BAZ2B: variants seen among roughly 807,000 people sequenced by gnomAD.
BAZ2B encodes the protein bromodomain adjacent to zinc finger domain protein 2B.
A neutral mutation model predicts 246.0 loss-of-function variants in BAZ2B; 91 were observed. The ratio of observed to expected loss-of-function variants is 0.37; its 90% CI spans 0.31 to 0.44. The LOEUF (loss-of-function observed/expected upper bound fraction) is 0.44, where lower values mean the gene tolerates loss of function less well. Ranked by LOEUF, BAZ2B falls within the 20% of genes least tolerant of loss-of-function variation. The pLI, the probability that BAZ2B is intolerant of heterozygous loss-of-function variation, is 1.00. For synonymous variants in BAZ2B, 855 were observed against 860.0 expected (o/e 0.99, Z 0.10); for missense variants, 2,332 against 2,533.7 (o/e 0.92, Z 1.71).
At chr2:159,381,560 A>G (rs1308278582) in intron 25 of BAZ2B, among the ~76,000 whole-genome samples, 1 of 151,938 alleles carries the variant, frequency 6.6e-6, no homozygotes, top group Non-Finnish European at 1.5e-5. Context: ...CATCCCAACT[A>G]CCATTGCTCT....
intron 27 of BAZ2B, among the ~76,000 whole-genome samples, chr2:159,363,055 G>A (rs1397081917): frequency 2.0e-5 from 3 of 152,130 alleles, no homozygotes; most frequent in African/African-American, 4.8e-5. Flanking sequence ...ACTACTGTAG[G>A]GATAGTAGAG....
chr2:159,335,999 A>G (rs1226671749), intron 33 of BAZ2B, among the ~76,000 whole-genome samples: 1 of 152,126 alleles, frequency 6.6e-6, no homozygotes, highest in African/African-American at 2.4e-5. Context: ...CATCTCTTCT[A>G]AAAATACAAA....
Position 159,374,685 on chromosome 2 carries a change from G to A in BAZ2B, c.4068+6C>T, listed in dbSNP as rs1160253634. 2 of 1,608,124 alleles carry A rather than the reference G, an allele frequency of 1.2e-6. No homozygotes were observed. The highest frequency in any genetic ancestry group is 1.7e-5 in the Admixed American group (1 of 59,966). Reference sequence around the variant, plus strand: ...GAAGTTAAATGTTAATCAGAAAAGTGCTTACTTTACTCAGTTTTTCAATCT... The same window carrying A: ...GAAGTTAAATGTTAATCAGAAAAGTACTTACTTTACTCAGTTTTTCAATCT... On this transcript the variant is annotated splice_donor_region_variant and intron_variant, in intron 26 of 36. Coordinates refer to ENST00000392783, the MANE Select transcript of BAZ2B (RefSeq NM_013450.4).
At chr2:159,572,764 T>G (rs972958417) in intron 1 of BAZ2B, among the ~76,000 whole-genome samples, 4 of 152,154 alleles carry the variant, frequency 2.6e-5, no homozygotes, top group African/African-American at 9.7e-5. Flanking sequence ...AACTATTATT[T>G]TCAAGTTTAA....
At chr2:159,630,367 C>A in the BAZ2B span, among the ~76,000 whole-genome samples, 3 of 151,900 alleles carry the variant, frequency 2.0e-5, no homozygotes, top group South Asian at 6.2e-4. Flanking sequence ...AAGTGAAACC[C>A]AAAAAAATAA....
At position 159,462,503 on chromosome 2, in the gene BAZ2B, G is replaced by A. The variant is rs1011000862; in HGVS notation, c.146-8702C>T. ...GCGCAAGACCTTGAATGTGGTATCT[G>A]ACATTGTTTGACAGTTTTCACTAAT... On this transcript the variant is annotated intron_variant, in intron 3 of 36. Transcript: ENST00000392783. 1.1e-5 allele frequency: 11 copies of A among 986,584 alleles called. No homozygotes were observed. The Admixed American group carries it at 1.9e-4, about 17-fold the overall frequency. The allele number at this position is 986,584 out of a possible 1,614,324, so 61.1% of individuals were successfully genotyped here.
chr2:159,394,175 T>C (rs2063698120), intron 20 of BAZ2B, among the ~76,000 whole-genome samples: 1 of 152,072 alleles, frequency 6.6e-6, no homozygotes, highest in African/African-American at 2.4e-5. Flanking sequence ...AGGGAAGAAC[T>C]TGTCTCCTGA....
intron 1 of BAZ2B, among the ~76,000 whole-genome samples, chr2:159,575,320 T>A (rs1289192153): frequency 6.6e-6 from 1 of 151,824 alleles, no homozygotes; most frequent in Non-Finnish European, 1.5e-5. Context: ...AAAAAAACCA[T>A]GCAGAAAGGG....
chr2:159,536,659 A>T (rs957248295), intron 2 of BAZ2B, among the ~76,000 whole-genome samples: 1 of 152,174 alleles, frequency 6.6e-6, no homozygotes, highest in Admixed American at 6.5e-5. Context: ...AAGGAAGAAG[A>T]TCTTCGCTAA....
intron 4 of BAZ2B, among the ~76,000 whole-genome samples, chr2:159,449,408 A>AC (rs145107716): frequency 0.037 from 5,587 of 152,056 alleles, 298 homozygotes; most frequent in African/African-American, 0.1. Context: ...GAGGAAAAAA[A>AC]CCCACAACAA....
intron 18 of BAZ2B, among the ~76,000 whole-genome samples, chr2:159,397,918 A>C (rs1432050298): frequency 6.6e-6 from 1 of 152,176 alleles, no homozygotes; most frequent in Non-Finnish European, 1.5e-5. Context: ...AATCAGTGTG[A>C]AATTTTCATG....
At chr2:159,558,451 G>A (rs577491854) in intron 1 of BAZ2B, among the ~76,000 whole-genome samples, 46 of 151,964 alleles carry the variant, frequency 3.0e-4, no homozygotes, top group Non-Finnish European at 5.6e-4. Flanking sequence ...GTAGAGACGG[G>A]GTTTCTCCCT....
intron 27 of BAZ2B, 152 bp from the exon 28 acceptor site, chr2:159,350,509 T>C: frequency 1.8e-6 from 1 of 551,884 alleles, no homozygotes; most frequent in Non-Finnish European, 2.9e-6. Context: ...TTTTATAGAT[T>C]ATAGCTTTCA....
At chr2:159,704,999 T>C in the BAZ2B span, among the ~76,000 whole-genome samples, 1 of 151,408 alleles carries the variant, frequency 6.6e-6, no homozygotes, top group Non-Finnish European at 1.5e-5. Flanking sequence ...CCCAGCCTCG[T>C]CTGGCCTTTT....
At chr2:159,689,970 T>C in the BAZ2B span, 1 of 366,460 alleles carries the variant, frequency 2.7e-6, no homozygotes, top group Non-Finnish European at 5.1e-6. Flanking sequence ...TCGATCATTG[T>C]CTGCCATTTT....
At chr2:159,533,924 T>C (rs2085642720) in intron 2 of BAZ2B, among the ~76,000 whole-genome samples, 1 of 152,220 alleles carries the variant, frequency 6.6e-6, no homozygotes, top group Non-Finnish European at 1.5e-5. Flanking sequence ...AATCATTACT[T>C]AACATTTCTA....
chr2:159,415,327 C>T (rs2067500494), intron 13 of BAZ2B, among the ~76,000 whole-genome samples: 1 of 151,546 alleles, frequency 6.6e-6, no homozygotes, highest in African/African-American at 2.4e-5. Context: ...CACCTGTAGT[C>T]CCAGCTACTT....
chr2:159,688,507 T>C, the BAZ2B span, among the ~76,000 whole-genome samples: 1 of 152,338 alleles, frequency 6.6e-6, no homozygotes, highest in Non-Finnish European at 1.5e-5. Context: ...TAAAAGTACA[T>C]TTATCAAAAT....
intron 8 of BAZ2B, among the ~76,000 whole-genome samples, chr2:159,437,104 A>G (rs749479938): frequency 6.6e-6 from 1 of 152,236 alleles, no homozygotes; most frequent in Non-Finnish European, 1.5e-5. Flanking sequence ...CAATTAAAAC[A>G]ATGGCTGGCA....
Sources: gnomAD v4.1 joint callset for allele counts (sites outside exome capture counted in the v4.1 genomes callset) on GRCh38, gnomAD v4.1.1 for gene constraint, MANE v1.5 for transcripts, NCBI Gene and HGNC (gene_info 2026-07-23, HGNC 2026-07-21) for gene names.